RACGAP1: variants seen among roughly 807,000 people sequenced by gnomAD.
The protein encoded by RACGAP1 is rac GTPase-activating protein 1.
RACGAP1 carries 30 observed loss-of-function variants against 78.1 expected under a neutral mutation model. The ratio of observed to expected loss-of-function variants is 0.38; its 90% CI spans 0.29 to 0.52. RACGAP1 has a LOEUF of 0.52. Ranked by LOEUF, RACGAP1 falls within the 20% of genes least tolerant of loss-of-function variation. RACGAP1 has a pLI of 0.82. For missense variants in RACGAP1, 587 were observed against 777.1 expected, an observed-to-expected ratio of 0.76 and a Z score of 2.91; for synonymous variants, 231 against 264.8, an observed-to-expected ratio of 0.87 and a Z score of 1.24.
chr12:50,008,621 T>C (rs1949122599), intron 2 of RACGAP1, among the ~76,000 whole-genome samples: 1 of 151,922 alleles, frequency 6.6e-6, no homozygotes, highest in African/African-American at 2.4e-5. Flanking sequence ...GCTTCCTGAG[T>C]AACTGGGACT....
intron 1 of RACGAP1, among the ~76,000 whole-genome samples, chr12:50,024,085 C>A (rs576616050): frequency 5.3e-5 from 8 of 151,786 alleles, no homozygotes; most frequent in South Asian, 2.1e-4. Context: ...GGCGTGAATC[C>A]GGGAGGCGGA....
intron 6 of RACGAP1, 115 bp downstream of exon 6, chr12:50,002,132 A>ATG: frequency 1.5e-6 from 1 of 678,680 alleles, no homozygotes; most frequent in South Asian, 1.8e-5. Context: ...CATCTGTAGT[A>ATG]TGTGCTTAAC....
chr12:50,029,106 C>T (rs1950306777), upstream of RACGAP1, among the ~76,000 whole-genome samples: 1 of 151,930 alleles, frequency 6.6e-6, no homozygotes, highest in Non-Finnish European at 1.5e-5. Context: ...GTCCCAGCTA[C>T]TCAGGAGGCT....
At chr12:50,025,640 CTAA>C, upstream of RACGAP1, 1 of 757,358 alleles carries the variant, frequency 1.3e-6, no homozygotes, top group South Asian at 6.0e-5. Flanking sequence ...GCCATTTTGA[CTAA>C]TGTCAACGGT....
intron 2 of RACGAP1, among the ~76,000 whole-genome samples, chr12:50,008,168 TGAAAAAAA>T (rs1949083810): frequency 1.8e-5 from 1 of 56,282 alleles, no homozygotes; most frequent in African/African-American, 1.1e-4. Flanking sequence ...GTGAGAAATG[TGAAAAAAA>T]AAAAAAAAAA....
chr12:50,017,793 T>C (rs1160798697), intron 1 of RACGAP1, among the ~76,000 whole-genome samples: 1 of 152,172 alleles, frequency 6.6e-6, no homozygotes, highest in East Asian at 1.9e-4. Flanking sequence ...GATTTTGCAA[T>C]GTTTACAAGA....
rs941767492 is a variant in RACGAP1, at chr12:50,011,345, A to G, written c.86-4709T>C. On this transcript the variant is annotated intron_variant, in intron 2 of 16. Transcript: ENST00000312377. Reference sequence around the variant, plus strand: ...TGAGACTGTCTCAAAAAAAAAAAAAAAAAAAGAAAAAAGAGGACAGACACT... The same window carrying G: ...TGAGACTGTCTCAAAAAAAAAAAAAGAAAAAGAAAAAAGAGGACAGACACT... Among the ~76,000 whole-genome samples the G allele has an allele frequency of 2.1e-4, 32 of 151,850 alleles. 1 individual carries two copies. Among genetic ancestry groups the G allele is most frequent in the Non-Finnish European group, 1.2e-4 (8 of 67,870 alleles).
chr12:50,011,845 T>C (rs1453148160), intron 2 of RACGAP1, among the ~76,000 whole-genome samples: 1 of 150,692 alleles, frequency 6.6e-6, no homozygotes, highest in African/African-American at 2.5e-5. Context: ...TCCCAGCTAC[T>C]TGGGAGGCTG....
intron 6 of RACGAP1, among the ~76,000 whole-genome samples, 174 bp from the exon 7 acceptor site, chr12:50,001,426 G>A (rs976956822): frequency 2.0e-5 from 3 of 152,092 alleles, no homozygotes; most frequent in African/African-American, 7.2e-5. Flanking sequence ...TGAAGAATAA[G>A]CTGTTTCAAA....
At position 50,001,250 on chromosome 12, in the gene RACGAP1, G is replaced by T; in HGVS notation, c.552C>A (p.Arg184=). The change falls in exon 7 of 17, where the codon CGC becomes CGA. Residue 184 remains arginine, a splice_region_variant and synonymous_variant. Coordinates refer to ENST00000312377, the MANE Select transcript of RACGAP1 (RefSeq NM_001319999.2). ...CATCAACAAACTGTCGGCTAGTAGA[G>T]CGCTAGAAAGGAGACAAAGACCCGT... ...TFKLKKREKR[R]STSRQFVDGP... 6.2e-7 allele frequency: 1 copy of T among 1,606,246 alleles called. No individual in the cohort carries two copies. Among genetic ancestry groups the T allele is most frequent in the Non-Finnish European group, 8.5e-7 (1 of 1,173,002 alleles).
At chr12:49,992,485 C>G (rs1235486982) in intron 13 of RACGAP1, 65 bp downstream of exon 13, 15 of 1,586,080 alleles carry the variant, frequency 9.5e-6, no homozygotes, top group Non-Finnish European at 1.3e-5. Context: ...AAACACTCAA[C>G]CCACATTATC....
intron 2 of RACGAP1, among the ~76,000 whole-genome samples, chr12:50,015,126 C>T (rs1949586990): frequency 6.6e-6 from 1 of 151,794 alleles, no homozygotes; most frequent in African/African-American, 2.4e-5. Context: ...TCGATCCACC[C>T]ATCTCAGCCC....
intron 1 of RACGAP1, among the ~76,000 whole-genome samples, chr12:50,019,560 G>C (rs1468044869): frequency 6.6e-6 from 1 of 152,028 alleles, no homozygotes; most frequent in African/African-American, 2.4e-5. Flanking sequence ...GCGGGAGAGG[G>C]AGCAGAAGTC....
At chr12:50,021,132 G>T (rs1264726244) in intron 1 of RACGAP1, 1 of 981,784 alleles carries the variant, frequency 1.0e-6, no homozygotes, top group East Asian at 1.1e-4. Flanking sequence ...ATGAATACTT[G>T]TTTATTTCCC....
upstream of RACGAP1, among the ~76,000 whole-genome samples, chr12:50,026,641 G>A (rs143306543): frequency 1.3e-5 from 2 of 152,036 alleles, no homozygotes; most frequent in Non-Finnish European, 2.9e-5. Context: ...ATATAAAATT[G>A]TATTTTATCC....
intron 5 of RACGAP1, among the ~76,000 whole-genome samples, chr12:50,002,893 G>A (rs888772629): frequency 9.9e-5 from 15 of 151,958 alleles, no homozygotes; most frequent in South Asian, 4.2e-4. Flanking sequence ...GCGTGGTGGC[G>A]GGCGCCTGCA....
Position 49,999,205 on chromosome 12 carries a change from G to A in RACGAP1, c.815C>T (p.Thr272Ile). The A allele has an allele frequency of 6.2e-7, 1 of 1,614,146 alleles. No individual in the cohort carries two copies. Among genetic ancestry groups the A allele is most frequent in the African/African-American group, 1.3e-5 (1 of 75,056 alleles). ...ACTCTGTGGCGTGCCCACACTGTCT[G>A]TCTCAGTTCTTGGCTCCAGCTGCCT... is the stretch of plus-strand genomic sequence containing the variant. ...NSRQLEPRTE[T>I]DSVGTPQSNG... The change falls in exon 9 of 17, where the codon ACA (threonine) becomes ATA (isoleucine). Residue 272 changes from threonine (T) to isoleucine (I), a missense_variant. Physicochemically the swap from Thr to Ile is moderately conservative, Grantham distance 89. Coordinates refer to ENST00000312377, the MANE Select transcript of RACGAP1 (RefSeq NM_001319999.2).
chr12:50,024,048 C>A (rs1950149437), intron 1 of RACGAP1, among the ~76,000 whole-genome samples: 1 of 151,926 alleles, frequency 6.6e-6, no homozygotes, highest in Non-Finnish European at 1.5e-5. Flanking sequence ...ATAGTCCCAG[C>A]TACTCGGGAG....
At chr12:50,004,186 A>G in intron 5 of RACGAP1, 49 bp downstream of exon 5, 3 of 1,577,524 alleles carry the variant, frequency 1.9e-6, no homozygotes, top group Non-Finnish European at 2.6e-6. Flanking sequence ...TTCCTGGGGA[A>G]GCAGAGGTAA....
Sources: gnomAD v4.1 joint callset for allele counts (sites outside exome capture counted in the v4.1 genomes callset) on GRCh38, gnomAD v4.1.1 for gene constraint, MANE v1.5 for transcripts, NCBI Gene and HGNC (gene_info 2026-07-23, HGNC 2026-07-21) for gene names.